Variants in SRCAP observed in about 807,000 individuals in gnomAD.
The protein encoded by SRCAP is Snf2 related CREBBP activator protein.
Under a neutral mutation model 263.1 loss-of-function variants are expected in SRCAP, and 46 were observed. The ratio of observed to expected loss-of-function variants is 0.17; its 90% confidence interval spans 0.14 to 0.22. The LOEUF is 0.22. SRCAP is among the 10% of genes least tolerant of loss of function. The probability of loss-of-function intolerance (pLI) is 1.00; values close to 1 mark genes in which losing one functional copy is unlikely to be tolerated. For missense variants in SRCAP, 3,695 were observed against 4,181.9 expected (o/e 0.88, Z 3.21); for synonymous variants, 1,813 against 1,662.1 (o/e 1.09, Z -2.21).
rs906292383 is a variant in SRCAP, at chr16:30,704,180, G to T, written c.171G>T (p.Leu57=). The change falls in exon 4 of 34, where the codon CTG becomes CTT. Residue 57 remains leucine, a synonymous_variant. Transcript: ENST00000262518. ...SPQHIAQDSS[L]DGPPGPPDGA... is the part of the protein sequence containing the mutation. ...AGCACATAGCTCAAGATTCCTCACTGGATGGACCTCCAGGCCCCCCAGATG... is the reference window on the plus strand; with the variant it reads ...AGCACATAGCTCAAGATTCCTCACTTGATGGACCTCCAGGCCCCCCAGATG... The T allele has an allele frequency of 1.7e-5, 28 of 1,614,072 alleles. No homozygotes were observed. Among genetic ancestry groups the T allele is most frequent in the Non-Finnish European group, 2.3e-5 (27 of 1,180,028 alleles).
rs1344616436 is a variant in SRCAP, at chr16:30,739,129, C to G, written c.9089C>G (p.Thr3030Ser). ...CTCCCCGTCTTGGACCGTGACAGCACTTCTGTTCTCGAGAGCTGTGGATTG... is the reference window on the plus strand; with the variant it reads ...CTCCCCGTCTTGGACCGTGACAGCAGTTCTGTTCTCGAGAGCTGTGGATTG... ...SQLPVLDRDS[T>S]SVLESCGLGR... Residue 3030 changes from threonine to serine, a missense_variant, in exon 34 of 34, where the codon ACT becomes AGT. Physicochemically the swap from Thr to Ser is moderately conservative, Grantham distance 58. Transcript: ENST00000262518. 1.2e-6 allele frequency: 2 copies of G among 1,614,094 alleles called. No homozygotes were observed. The highest frequency in any genetic ancestry group is 1.7e-6 in the Non-Finnish European group (2 of 1,180,050).
Position 30,724,145 on chromosome 16 carries a change from C to T in SRCAP, c.4721C>T (p.Ala1574Val). The change falls in exon 25 of 34, where the codon GCT (alanine) becomes GTT (valine). Residue 1574 changes from alanine (A) to valine (V), a missense_variant. By Grantham distance (64) the Ala-to-Val change is moderately conservative. Around this residue, in one of 12 missense-constraint regions of SRCAP, gnomAD observed 1,347 missense variants for 1,304.4 expected, o/e 1.03. Coordinates refer to ENST00000262518, the MANE Select transcript of SRCAP (RefSeq NM_006662.3). The stretch of plus-strand genomic sequence containing the variant: ...GCTCCAGCTCAGGCTTCCCTTCTGG[C>T]TCCAGCATCTTCTGCATCTCAGGCT... ...NPAPAQASLL[A>V]PASSASQALA... 1 of 1,614,142 alleles carries T rather than the reference C, an allele frequency of 6.2e-7. No homozygotes were observed. The highest frequency in any genetic ancestry group is 8.5e-7 in the Non-Finnish European group (1 of 1,180,028).
At position 30,739,079 on chromosome 16, in the gene SRCAP, T is replaced by C. The variant is rs373514967; in HGVS notation, c.9039T>C (p.Asn3013=). The C allele has an allele frequency of 2.5e-6, 4 of 1,613,972 alleles. No homozygotes were observed. The African/African-American group carries it at 5.3e-5, about 22-fold the overall frequency. Residue 3013 remains asparagine (N), a synonymous_variant, in exon 34 of 34, where the codon AAT becomes AAC. Coordinates refer to ENST00000262518, the MANE Select transcript of SRCAP (RefSeq NM_006662.3). ...GGAAGAGGGGCCGACCTCCCAAGAA[T>C]CCTCCATCACCTCGGCCCAGCCAGC... ...PKRKRGRPPK[N]PPSPRPSQLP... is the part of the protein sequence containing the mutation.
intron 4 of SRCAP, among the ~76,000 whole-genome samples, chr16:30,706,748 AATG>A (rs1166934724): frequency 6.6e-6 from 1 of 152,198 alleles, no homozygotes; most frequent in Admixed American, 6.6e-5. Context: ...AGAATTCTAC[AATG>A]ATGATGACCC....
At chr16:30,718,635 C>T (rs897727748) in intron 18 of SRCAP, among the ~76,000 whole-genome samples, 1 of 151,870 alleles carries the variant, frequency 6.6e-6, no homozygotes, top group African/African-American at 2.4e-5. Context: ...CCACTCCCAG[C>T]TAATTTTTGT....
chr16:30,705,707 GTTT>G (rs541588292), intron 4 of SRCAP, among the ~76,000 whole-genome samples: 1 of 130,980 alleles, frequency 7.6e-6, no homozygotes, highest in African/African-American at 2.8e-5. Context: ...CCACAATTGG[GTTT>G]TTTTTTTTTT....
intron 20 of SRCAP, 99 bp from the exon 21 acceptor site, chr16:30,721,090 C>G: frequency 1.3e-6 from 2 of 1,534,802 alleles, no homozygotes; most frequent in Non-Finnish European, 8.8e-7. Context: ...GGACACGGGT[C>G]TAGTATTTGA....
intron 16 of SRCAP, among the ~76,000 whole-genome samples, chr16:30,714,383 G>A (rs993758436): frequency 4.6e-5 from 7 of 150,766 alleles, no homozygotes; most frequent in Admixed American, 1.3e-4. Flanking sequence ...CTAATTTTTT[G>A]TATTTTTAGT....
At chr16:30,704,348 G>A in intron 4 of SRCAP, 33 bp downstream of exon 4, 1 of 1,547,474 alleles carries the variant, frequency 6.5e-7, no homozygotes, top group Non-Finnish European at 8.7e-7. Flanking sequence ...AAGATTCTTG[G>A]GAGTTATCTT....
At chr16:30,714,720 C>T (rs1441940811) in intron 16 of SRCAP, among the ~76,000 whole-genome samples, 2 of 151,768 alleles carry the variant, frequency 1.3e-5, no homozygotes, top group Non-Finnish European at 2.9e-5. Flanking sequence ...AGGCTGGTCT[C>T]GAACTCCTGA....
chr16:30,739,696 C>T lies in SRCAP; in HGVS notation c.9656C>T (p.Pro3219Leu), dbSNP rs1385614298. Residue 3219 changes from proline (P) to leucine (L), a missense_variant, in exon 34 of 34, where the codon CCT becomes CTT. By Grantham distance (98) the Pro-to-Leu change is moderately conservative. Coordinates refer to ENST00000262518, the MANE Select transcript of SRCAP (RefSeq NM_006662.3). Reference sequence around the variant, plus strand: ...AGCGCCCCTCCCTCCCTGGCTGGCCCTGCTGTTAGTCACAGAGGCCGCAAG... The same window carrying T: ...AGCGCCCCTCCCTCCCTGGCTGGCCTTGCTGTTAGTCACAGAGGCCGCAAG... ...RSSAPPSLAG[P>L]AVSHRGRKAK... 3.3e-6 allele frequency: 5 copies of T among 1,523,854 alleles called. No homozygotes were observed. The East Asian group carries it at 9.6e-5, about 29-fold the overall frequency. 94.4% of individuals were successfully genotyped at this position (1,523,854 alleles called of 1,614,324 possible).
Position 30,733,815 on chromosome 16 carries a change from C to T in SRCAP, c.6494+17C>T, listed in dbSNP as rs537549102. The T allele has an allele frequency of 5.0e-6, 8 of 1,611,572 alleles. No individual in the cohort carries two copies. Among genetic ancestry groups the T allele is most frequent in the East Asian group, 2.2e-5 (1 of 44,842 alleles). ...CATATATAGGTATTGCCTAGTCTTC[C>T]CTCACCTTACTTTCCGTTTACTGAT... On this transcript the variant is annotated intron_variant, in intron 29 of 33. Coordinates refer to ENST00000262518, the MANE Select transcript of SRCAP (RefSeq NM_006662.3). The surrounding 1 kb of genome is among the most constrained non-coding windows in gnomAD (Gnocchi z 5.3).
In SRCAP at chr16:30,739,869, C is replaced by G; in HGVS notation, c.*136C>G. On this transcript the variant is annotated 3_prime_UTR_variant, in exon 34 of 34. Coordinates refer to ENST00000262518, the MANE Select transcript of SRCAP (RefSeq NM_006662.3). ...ATAGGGGCCTTCTCCCTTCTTCCCA[C>G]CAAAGTAGGGGGTAGGCAACTGGTT... is the stretch of plus-strand genomic sequence containing the variant. 1.5e-6 allele frequency: 2 copies of G among 1,331,594 alleles called. No individual in the cohort carries two copies. The highest frequency in any genetic ancestry group is 2.0e-6 in the Non-Finnish European group (2 of 1,018,712). 82.5% of individuals were successfully genotyped at this position (1,331,594 alleles called of 1,614,324 possible).
intron 10 of SRCAP, 127 bp from the exon 11 acceptor site, chr16:30,711,443 CT>C: frequency 3.1e-6 from 3 of 955,618 alleles, no homozygotes; most frequent in South Asian, 1.8e-5. Flanking sequence ...AAAGTAAGCT[CT>C]TTTGCCTCCC....
At chr16:30,731,712 T>G (rs1045480354) in intron 27 of SRCAP, among the ~76,000 whole-genome samples, 2 of 137,684 alleles carry the variant, frequency 1.5e-5, no homozygotes, top group African/African-American at 5.5e-5. Context: ...AACTGAAAAA[T>G]TAGTGGATAT....
chr16:30,738,587 C>T lies in SRCAP; in HGVS notation c.8547C>T (p.Leu2849=), dbSNP rs1485729553. The T allele has an allele frequency of 1.2e-5, 19 of 1,605,062 alleles. No individual in the cohort carries two copies. Among genetic ancestry groups the T allele is most frequent in the Non-Finnish European group, 1.4e-5 (16 of 1,175,384 alleles). ...GSPENGDGAL[L]AITPPAVKRR... ...CCGAGAATGGAGACGGAGCACTGCT[C>T]GCCATCACCCCACCTGCTGTGAAAC... Residue 2849 remains leucine (L), a synonymous_variant, in exon 34 of 34, where the codon CTC becomes CTT. Transcript: ENST00000262518.
chr16:30,722,206 T>G lies in SRCAP; in HGVS notation c.3626T>G (p.Phe1209Cys), dbSNP rs1567246994. Residue 1209 changes from phenylalanine to cysteine, a missense_variant, in exon 22 of 34, where the codon TTC becomes TGC. Coordinates refer to ENST00000262518, the MANE Select transcript of SRCAP (RefSeq NM_006662.3). ...ANAGGSKPLT[F>C]QIQGNKLTLT... The stretch of plus-strand genomic sequence containing the variant: ...GCAGGGGGAAGCAAACCTCTCACCT[T>G]CCAAATCCAGGGCAACAAGCTGACT... 6 of 1,614,012 alleles carry G rather than the reference T, an allele frequency of 3.7e-6. No homozygotes were observed. Among genetic ancestry groups the G allele is most frequent in the Non-Finnish European group, 5.1e-6 (6 of 1,180,022 alleles).
chr16:30,716,877 C>T (rs2052956114), intron 18 of SRCAP, among the ~76,000 whole-genome samples: 1 of 152,174 alleles, frequency 6.6e-6, no homozygotes, highest in African/African-American at 2.4e-5. Flanking sequence ...TGTCAGTGGG[C>T]ACTTGGATTC....
Position 30,724,042 on chromosome 16 carries a change from A to C in SRCAP, c.4618A>C (p.Thr1540Pro), listed in dbSNP as rs200086013. 11 of 1,613,690 alleles carry C rather than the reference A, an allele frequency of 6.8e-6. No individual in the cohort carries two copies. The East Asian group carries it at 1.1e-4, about 16-fold the overall frequency. ...TSSHVPGLNS[T>P]VAPACSPVLV... ...TTCACATGTTCCAGGGTTGAACTCAACCGTGGCCCCAGCATGCTCACCTGT... is the reference window on the plus strand; with the variant it reads ...TTCACATGTTCCAGGGTTGAACTCACCCGTGGCCCCAGCATGCTCACCTGT... Residue 1540 changes from threonine to proline, a missense_variant, in exon 25 of 34, where the codon ACC becomes CCC. By Grantham distance (38) the Thr-to-Pro change is conservative. This residue lies in a region of SRCAP where 1,347 missense variants were observed against 1,304.4 expected (regional missense o/e 1.03). Coordinates refer to ENST00000262518, the MANE Select transcript of SRCAP (RefSeq NM_006662.3).
Sources: allele counts gnomAD v4.1 joint callset (sites outside exome capture counted in the v4.1 genomes callset), GRCh38; gene constraint gnomAD v4.1.1; regional missense constraint gnomAD v4.1.1; non-coding constraint Gnocchi (gnomAD v3.1); transcripts MANE v1.5; gene names NCBI Gene and HGNC (gene_info 2026-07-23, HGNC 2026-07-21).